The following GRXCR2 variants were observed in gnomAD, a reference collection of about 807,000 sequenced individuals.
GRXCR2 encodes glutaredoxin and cysteine rich domain containing 2, also known as glutaredoxin domain-containing cysteine-rich protein 2.
A neutral mutation model predicts 24.8 loss-of-function variants in GRXCR2; 23 were observed. That is an observed-to-expected ratio of 0.93 (90% CI 0.67 to 1.32). The LOEUF is 1.32. GRXCR2 is among the 40% of genes most tolerant of loss of function. GRXCR2 has a pLI of 0.00. For synonymous variants in GRXCR2, 130 were observed against 116.1 expected (o/e 1.12, Z -0.77); for missense variants, 315 against 303.4 (o/e 1.04, Z -0.28).
intron 2 of GRXCR2, among the ~76,000 whole-genome samples, chr5:145,888,693 T>A (rs1480245446): frequency 6.6e-6 from 1 of 152,206 alleles, no homozygotes; most frequent in Non-Finnish European, 1.5e-5. Flanking sequence ...AAATAACTAT[T>A]ACTATAAATC....
At chr5:145,877,812 G>A (rs1756641187), upstream of GRXCR2, among the ~76,000 whole-genome samples, 1 of 152,234 alleles carries the variant, frequency 6.6e-6, no homozygotes, top group African/African-American at 2.4e-5. Context: ...CCTCTGGGAT[G>A]AAGCTTCCAG....
At chr5:145,911,388 T>C (rs1282231104) in intron 2 of GRXCR2, among the ~76,000 whole-genome samples, 1 of 152,180 alleles carries the variant, frequency 6.6e-6, no homozygotes, top group East Asian at 1.9e-4. Context: ...CAGTTGCAGC[T>C]ATGGGTCTGC....
At chr5:145,917,920 C>T (rs558325869) in intron 2 of GRXCR2, among the ~76,000 whole-genome samples, 1 of 152,322 alleles carries the variant, frequency 6.6e-6, no homozygotes, top group African/African-American at 2.4e-5. Context: ...GCTGGGACTA[C>T]AGGTGCCCAC....
rs188282020 is a variant in GRXCR2, at chr5:145,922,382, C to T, written c.-70+13319G>A. 3.0e-3 allele frequency among the ~76,000 whole-genome samples: 462 copies of T among 152,268 alleles called. 1 individual carries two copies. The highest frequency in any genetic ancestry group is 0.011 in the African/African-American group (441 of 41,540). ...GTGCCACCTCTTCAGGAAAGTCTTC[C>T]CTCATGTCCAGTGGGGATTTCCAAG... On this transcript the variant is annotated intron_variant, in intron 2 of 3. Coordinates refer to the GRXCR2 transcript ENST00000639411.
chr5:145,885,914 G>A (rs911546818), intron 2 of GRXCR2, among the ~76,000 whole-genome samples: 3 of 152,178 alleles, frequency 2.0e-5, no homozygotes, highest in East Asian at 1.9e-4. Context: ...GTTCACAGTC[G>A]GGAAAACTGA....
At chr5:145,885,693 G>A (rs1172048637) in intron 2 of GRXCR2, among the ~76,000 whole-genome samples, 1 of 152,160 alleles carries the variant, frequency 6.6e-6, no homozygotes, top group Non-Finnish European at 1.5e-5. Context: ...CTCCACTGAG[G>A]AATACACCAT....
intron 2 of GRXCR2, among the ~76,000 whole-genome samples, chr5:145,916,150 T>A (rs535540429): frequency 1.3e-5 from 2 of 152,198 alleles, no homozygotes; most frequent in South Asian, 4.2e-4. Context: ...CTGCTTCTGC[T>A]GGGGCAGAAA....
chr5:145,914,317 C>T (rs923070721), intron 2 of GRXCR2, among the ~76,000 whole-genome samples: 1 of 151,984 alleles, frequency 6.6e-6, no homozygotes, highest in African/African-American at 2.4e-5. Context: ...AAGTTGGGAT[C>T]CTTTGGTAGG....
intron 2 of GRXCR2, among the ~76,000 whole-genome samples, chr5:145,911,651 C>G (rs1397643987): frequency 6.6e-6 from 1 of 152,200 alleles, no homozygotes; most frequent in Non-Finnish European, 1.5e-5. Flanking sequence ...AAGTCCATTT[C>G]TGAAATCCCC....
At chr5:145,897,597 A>C (rs1050077112) in intron 2 of GRXCR2, among the ~76,000 whole-genome samples, 10 of 152,054 alleles carry the variant, frequency 6.6e-5, no homozygotes, top group Non-Finnish European at 1.3e-4. Flanking sequence ...ATTCCAAAAA[A>C]AATCACAATT....
intron 1 of GRXCR2, among the ~76,000 whole-genome samples, chr5:145,872,102 C>T (rs1756540633): frequency 6.6e-6 from 1 of 152,178 alleles, no homozygotes; most frequent in African/African-American, 2.4e-5. Context: ...ACCATCCCTT[C>T]CCAGGACTCC....
intron 2 of GRXCR2, among the ~76,000 whole-genome samples, chr5:145,905,939 G>A (rs1255440078): frequency 1.3e-5 from 2 of 152,178 alleles, no homozygotes; most frequent in Admixed American, 6.5e-5. Context: ...TGGTGAGAGA[G>A]AAAACCAGAG....
At chr5:145,915,228 T>A (rs1757219952) in intron 2 of GRXCR2, among the ~76,000 whole-genome samples, 1 of 152,154 alleles carries the variant, frequency 6.6e-6, no homozygotes, top group Admixed American at 6.5e-5. Flanking sequence ...GGGGGCCATG[T>A]CCTATTAGGC....
intron 2 of GRXCR2, among the ~76,000 whole-genome samples, chr5:145,904,876 G>A (rs1263702513): frequency 6.6e-6 from 1 of 152,192 alleles, no homozygotes; most frequent in Non-Finnish European, 1.5e-5. Flanking sequence ...CTTAACTGGG[G>A]CTCTTGAAGG....
chr5:145,918,919 T>C (rs1030071985), intron 2 of GRXCR2, among the ~76,000 whole-genome samples: 2 of 152,318 alleles, frequency 1.3e-5, no homozygotes, highest in Admixed American at 1.3e-4. Flanking sequence ...CTGTGCTTAG[T>C]GCATGCCTAG....
chr5:145,920,283 C>T (rs1265357949), intron 2 of GRXCR2, among the ~76,000 whole-genome samples: 6 of 152,146 alleles, frequency 3.9e-5, no homozygotes, highest in African/African-American at 1.2e-4. Context: ...ACATCAGCAT[C>T]GCCTGAAAGC....
intron 2 of GRXCR2, among the ~76,000 whole-genome samples, chr5:145,884,558 A>G (rs1241458681): frequency 6.6e-6 from 1 of 152,182 alleles, no homozygotes; most frequent in Non-Finnish European, 1.5e-5. Context: ...ATTTATTATT[A>G]AAAAGTTTAT....
upstream of GRXCR2, among the ~76,000 whole-genome samples, chr5:145,873,568 T>A (rs1240243487): frequency 6.6e-6 from 1 of 152,220 alleles, no homozygotes; most frequent in Non-Finnish European, 1.5e-5. Context: ...CAGATCTATC[T>A]GACTCCAAAA....
At chr5:145,874,764 C>A (rs928201946), upstream of GRXCR2, among the ~76,000 whole-genome samples, 10 of 152,210 alleles carry the variant, frequency 6.6e-5, no homozygotes, top group African/African-American at 2.4e-4. Flanking sequence ...AGCAAAGCCC[C>A]TCAAAAACCA....
Sources: allele counts gnomAD v4.1 joint callset (sites outside exome capture counted in the v4.1 genomes callset), GRCh38; gene constraint gnomAD v4.1.1; transcripts MANE v1.5; gene names NCBI Gene and HGNC (gene_info 2026-07-23, HGNC 2026-07-21).